The following TMEM178B variants were observed in gnomAD, a reference collection of about 807,000 sequenced individuals.
TMEM178B encodes the protein transmembrane protein 178B.
Under a neutral mutation model 31.0 loss-of-function variants are expected in TMEM178B, and 5 were observed. The observed-to-expected ratio is 0.16, with a 90% confidence interval of 0.08 to 0.34. The LOEUF (loss-of-function observed/expected upper bound fraction) is 0.34. Ranked by LOEUF, TMEM178B falls within the 10% of genes least tolerant of loss-of-function variation. The pLI is 1.00. For missense variants in TMEM178B, 275 were observed against 400.3 expected (o/e 0.69, Z 2.67); for synonymous variants, 164 against 164.0 (o/e 1.00, Z 0.00).
chr7:141,351,867 C>A (rs971358947), intron 2 of TMEM178B: 1 of 152,200 alleles, frequency 6.6e-6, no homozygotes, highest in African/African-American at 2.4e-5. Context: ...AAAGATGCTC[C>A]TGCAAACAGA....
intron 1 of TMEM178B, among the ~76,000 whole-genome samples, chr7:141,107,735 A>C (rs1272349692): frequency 6.6e-6 from 1 of 152,238 alleles, no homozygotes; most frequent in Non-Finnish European, 1.5e-5. Context: ...TCTAGAGTTT[A>C]GCAGAACAAT....
At chr7:141,447,170 G>A (rs2116696495) in intron 3 of TMEM178B, among the ~76,000 whole-genome samples, 1 of 152,234 alleles carries the variant, frequency 6.6e-6, no homozygotes, top group South Asian at 2.1e-4. Flanking sequence ...AAAAGCAAGT[G>A]CCATAAAAAT....
At chr7:141,215,779 TTTCTTTCTTTC>T (rs2129188356) in intron 2 of TMEM178B, among the ~76,000 whole-genome samples, 1 of 35,424 alleles carries the variant, frequency 2.8e-5, no homozygotes, top group Admixed American at 2.5e-4. Context: ...TATACTTTCC[TTTCTTTCTTTC>T]TTTCTTTCTT....
chr7:141,092,821 G>C (rs1794901698), intron 1 of TMEM178B, among the ~76,000 whole-genome samples: 1 of 152,184 alleles, frequency 6.6e-6, no homozygotes, highest in Admixed American at 6.6e-5. Flanking sequence ...GGCCAGAGAA[G>C]AGTGCACCAA....
chr7:141,074,506 C>A lies in TMEM178B; in HGVS notation c.196C>A (p.Arg66=). ...IYNNNNNLPL[R]ASRSRLDRWE... is the part of the protein sequence containing the mutation. ...CAACAATAACAACAACTTGCCGCTCCGGGCGAGCCGCTCGCGCCTGGACCG... is the reference window on the plus strand; with the variant it reads ...CAACAATAACAACAACTTGCCGCTCAGGGCGAGCCGCTCGCGCCTGGACCG... The change falls in exon 1 of 4, where the codon CGG becomes AGG. Residue 66 remains arginine, a synonymous_variant. Transcript: ENST00000565468. The surrounding 1 kb of genome is among the most constrained non-coding windows in gnomAD (Gnocchi z 5.1). 2 of 1,536,018 alleles carry A rather than the reference C, an allele frequency of 1.3e-6. No individual in the cohort carries two copies. The highest frequency in any genetic ancestry group is 2.4e-5 in the East Asian group (1 of 40,902).
In TMEM178B at chr7:141,479,522, T is replaced by C. The variant is rs1266487683; in HGVS notation, c.*8736T>C. 1.3e-5 allele frequency: 2 copies of C among 152,130 alleles called. No individual in the cohort carries two copies. The highest frequency in any genetic ancestry group is 6.5e-5 in the Admixed American group (1 of 15,270). The allele number at this position is 152,130 out of a possible 1,614,324, so 9.4% of individuals were successfully genotyped here. On this transcript the variant is annotated 3_prime_UTR_variant, in exon 4 of 4. Transcript: ENST00000565468. ...CTCTTTTGTTTGTGAAAAAGATAGG[T>C]ATCGAGATCTTAATGGAGAGAACAG... is the stretch of plus-strand genomic sequence containing the variant.
intron 3 of TMEM178B, among the ~76,000 whole-genome samples, chr7:141,440,413 C>T (rs992531950): frequency 1.1e-4 from 16 of 152,282 alleles, no homozygotes; most frequent in African/African-American, 3.6e-4. Flanking sequence ...TCTTAATGTA[C>T]AGCCAGAGTT....
chr7:141,281,005 A>G (rs1798349508), intron 2 of TMEM178B, among the ~76,000 whole-genome samples: 1 of 152,182 alleles, frequency 6.6e-6, no homozygotes, highest in Non-Finnish European at 1.5e-5. Context: ...AAGGTGAAGC[A>G]CAATCTTTTG....
intron 2 of TMEM178B, among the ~76,000 whole-genome samples, chr7:141,252,165 C>T (rs1040147987): frequency 6.6e-6 from 1 of 152,132 alleles, no homozygotes; most frequent in African/African-American, 2.4e-5. Context: ...AGAGTGTGGA[C>T]CTATTGTCCA....
chr7:141,178,008 C>G (rs536321787), intron 1 of TMEM178B, among the ~76,000 whole-genome samples: 1 of 152,252 alleles, frequency 6.6e-6, no homozygotes, highest in South Asian at 2.1e-4. Flanking sequence ...TTATTTTGCA[C>G]ATTAGTTTAT....
At chr7:141,437,815 G>A in intron 3 of TMEM178B, 70 bp downstream of exon 3, 1 of 1,526,574 alleles carries the variant, frequency 6.6e-7, no homozygotes, top group Non-Finnish European at 8.8e-7. Flanking sequence ...GGGGAGAATG[G>A]CCAGAGGGCA....
chr7:141,337,858 G>A (rs1799451518), intron 2 of TMEM178B, among the ~76,000 whole-genome samples: 1 of 150,702 alleles, frequency 6.6e-6, no homozygotes, highest in Non-Finnish European at 1.5e-5. Context: ...TTTTTTTTGA[G>A]ACGGAGTCTC....
At chr7:141,412,783 A>C (rs1005969972) in intron 2 of TMEM178B, among the ~76,000 whole-genome samples, 2 of 152,024 alleles carry the variant, frequency 1.3e-5, no homozygotes, top group African/African-American at 4.8e-5. Context: ...GAGCCCCTCA[A>C]CTCTCACATT....
intron 1 of TMEM178B, among the ~76,000 whole-genome samples, chr7:141,138,587 A>G (rs112488730): frequency 0.062 from 9,442 of 151,850 alleles, 973 homozygotes; most frequent in African/African-American, 0.21. Flanking sequence ...GGTGAATGTG[A>G]ACTTAATGCT....
chr7:141,082,672 C>T (rs187826287), intron 1 of TMEM178B, among the ~76,000 whole-genome samples: 8 of 152,340 alleles, frequency 5.3e-5, no homozygotes, highest in African/African-American at 1.9e-4. Flanking sequence ...GTGTTTTGAG[C>T]ACCTGCTGTG....
chr7:141,502,355 C>T, the TMEM178B span, among the ~76,000 whole-genome samples: 1 of 152,046 alleles, frequency 6.6e-6, no homozygotes, highest in Non-Finnish European at 1.5e-5. Context: ...GCTTTAATGC[C>T]TGGAGGTTTC....
chr7:141,298,321 G>A (rs1330873163), intron 2 of TMEM178B, among the ~76,000 whole-genome samples: 1 of 152,184 alleles, frequency 6.6e-6, no homozygotes, highest in Non-Finnish European at 1.5e-5. Context: ...TGTTCACTCT[G>A]ATGGTAGTTT....
rs372735840 is a variant in TMEM178B at position 141,149,948 on chromosome 7, A to AGAG, written c.383-62641_383-62639dup. 3.2e-3 allele frequency among the ~76,000 whole-genome samples: 489 copies of AGAG among 152,186 alleles called. 5 individuals are homozygous for AGAG. The highest frequency in any genetic ancestry group is 8.9e-3 in the African/African-American group (370 of 41,526). The stretch of plus-strand genomic sequence containing the variant: ...AACTGATGCAGCAGTGGAGATGGGG[A>AGAG]GAGGTGGCCTGGGGGTAGAGCTGAC... On this transcript the variant is annotated intron_variant, in intron 1 of 3. Coordinates refer to ENST00000565468, the MANE Select transcript of TMEM178B (RefSeq NM_001195278.2).
chr7:141,201,598 G>A (rs966861545), intron 1 of TMEM178B, among the ~76,000 whole-genome samples: 11 of 152,200 alleles, frequency 7.2e-5, no homozygotes, highest in Admixed American at 4.6e-4. Flanking sequence ...TTTTGCAGAT[G>A]ATGAAATAGA....
Sources: allele counts gnomAD v4.1 joint callset (sites outside exome capture counted in the v4.1 genomes callset), GRCh38; gene constraint gnomAD v4.1.1; non-coding constraint Gnocchi (gnomAD v3.1); transcripts MANE v1.5; gene names NCBI Gene and HGNC (gene_info 2026-07-23, HGNC 2026-07-21).